HSD17B4: variants seen among roughly 807,000 people sequenced by gnomAD.
HSD17B4 encodes hydroxysteroid 17-beta dehydrogenase 4, also known as peroxisomal multifunctional enzyme type 2.
Under a neutral mutation model 101.0 loss-of-function variants are expected in HSD17B4, and 70 were observed. The observed-to-expected ratio is 0.69, with a 90% CI of 0.57 to 0.85. The LOEUF is 0.85. Ranked by LOEUF, HSD17B4 falls within the 40% of genes least tolerant of loss-of-function variation. HSD17B4 has a pLI of 0.00. For synonymous variants in HSD17B4, 347 were observed against 297.1 expected (o/e 1.17, Z -1.73); for missense variants, 984 against 892.4 (o/e 1.10, Z -1.31).
chr5:119,529,741 AT>A (rs1753894076), intron 20 of HSD17B4, among the ~76,000 whole-genome samples, 152 bp from the exon 21 acceptor site: 1 of 152,190 alleles, frequency 6.6e-6, no homozygotes, highest in Admixed American at 6.5e-5. Context: ...TCATCTTGAC[AT>A]TTACTTTAGC....
chr5:119,456,835 C>CAGGA (rs1429121546), intron 2 of HSD17B4: 1 of 175,600 alleles, frequency 5.7e-6, no homozygotes, highest in Non-Finnish European at 1.2e-5. Context: ...TTTTTTGAGA[C>CAGGA]AGGAGGTTTG....
intron 1 of HSD17B4, among the ~76,000 whole-genome samples, chr5:119,454,693 C>T (rs1040839726): frequency 1.2e-4 from 18 of 152,134 alleles, no homozygotes; most frequent in Non-Finnish European, 2.1e-4. Flanking sequence ...ATGATCTTGG[C>T]TGACTGCAAC....
At chr5:119,478,743 T>A in intron 7 of HSD17B4, 91 bp from the exon 8 acceptor site, 1 of 1,001,874 alleles carries the variant, frequency 1.0e-6, no homozygotes, top group Non-Finnish European at 1.6e-6. Context: ...TAGTTGCTTT[T>A]GATAGGTGCA....
intron 2 of HSD17B4, among the ~76,000 whole-genome samples, chr5:119,470,587 A>G (rs1236143940): frequency 6.6e-6 from 1 of 152,218 alleles, no homozygotes; most frequent in African/African-American, 2.4e-5. Context: ...TTTGCCCACA[A>G]TGGGAAGTCC....
intron 2 of HSD17B4, among the ~76,000 whole-genome samples, chr5:119,459,843 A>G (rs1464567482): frequency 6.6e-6 from 1 of 151,392 alleles, no homozygotes. Flanking sequence ...AGCCCTCACA[A>G]TTCAATCACT....
intron 11 of HSD17B4, among the ~76,000 whole-genome samples, chr5:119,495,549 T>C (rs1183028862): frequency 6.6e-6 from 1 of 152,208 alleles, no homozygotes; most frequent in African/African-American, 2.4e-5. Flanking sequence ...CTAAATAGTC[T>C]TCCCTCTAGA....
At chr5:119,480,680 C>T (rs564425860) in intron 8 of HSD17B4, among the ~76,000 whole-genome samples, 12 of 152,036 alleles carry the variant, frequency 7.9e-5, no homozygotes, top group Non-Finnish European at 1.6e-4. Context: ...TGAGATCAAC[C>T]GGTCTGACCA....
chr5:119,536,704 T>C (rs1754572844), intron 23 of HSD17B4, among the ~76,000 whole-genome samples, 154 bp downstream of exon 23: 1 of 152,110 alleles, frequency 6.6e-6, no homozygotes, highest in African/African-American at 2.4e-5. Flanking sequence ...GGTTGACAGG[T>C]CATATATTTC....
chr5:119,465,508 CGAG>C (rs1436289381), intron 2 of HSD17B4, among the ~76,000 whole-genome samples: 2 of 152,152 alleles, frequency 1.3e-5, no homozygotes, highest in African/African-American at 2.4e-5. Context: ...GAGGGCCTTA[CGAG>C]GAGTAGATGC....
At position 119,505,791 on chromosome 5, in the gene HSD17B4, T is replaced by A. The variant is rs146097589; in HGVS notation, c.1262-1027T>A. Among the ~76,000 whole-genome samples the A allele has an allele frequency of 3.7e-3, 562 of 152,134 alleles. 4 individuals carry two copies. The highest frequency in any genetic ancestry group is 0.013 in the African/African-American group (531 of 41,510). ...GTAGGAGTTGCAGTATTGTGTTGAATAGGAGTAGAAATTTAAGAAAGAATG... is the reference window on the plus strand; with the variant it reads ...GTAGGAGTTGCAGTATTGTGTTGAAAAGGAGTAGAAATTTAAGAAAGAATG... On this transcript the variant is annotated intron_variant, in intron 14 of 23. Transcript: ENST00000510025.
chr5:119,492,071 G>A (rs1447879583), intron 9 of HSD17B4, 29 bp from the exon 10 acceptor site: 1 of 1,574,904 alleles, frequency 6.3e-7, no homozygotes, highest in South Asian at 1.1e-5. Context: ...ACATTAGATG[G>A]TATAATGTTT....
chr5:119,535,749 TTTCTC>T (rs1466809417), intron 22 of HSD17B4: 1 of 151,090 alleles, frequency 6.6e-6, no homozygotes, highest in Non-Finnish European at 1.5e-5. Flanking sequence ...TCCTAAGTAT[TTTCTC>T]TTCAAGGAAG....
chr5:119,471,636 CT>C, intron 2 of HSD17B4: 1 of 1,328,380 alleles, frequency 7.5e-7, no homozygotes, highest in South Asian at 1.7e-5. Flanking sequence ...ATTGTTACAG[CT>C]TTCAAAATCT....
chr5:119,530,053 T>C (rs1753929688), intron 21 of HSD17B4, 73 bp downstream of exon 21: 2 of 850,372 alleles, frequency 2.4e-6, no homozygotes, highest in Admixed American at 3.4e-5. Flanking sequence ...TTAAGAGTGG[T>C]TAGGCTACGT....
At position 119,525,602 on chromosome 5, in the gene HSD17B4, G is replaced by C; in HGVS notation, c.1574-315G>C. On this transcript the variant is annotated intron_variant, in intron 18 of 23. Transcript: ENST00000510025. ...AGCAAGGAACTGAAAGGTTAGGGAA[G>C]GATCATGTACCTGTGTGGATGTTGA... is the stretch of plus-strand genomic sequence containing the variant. 5.8e-6 allele frequency: 3 copies of C among 515,692 alleles called. No homozygotes were observed. The South Asian group carries it at 6.4e-5, about 11-fold the overall frequency. The allele number at this position is 515,692 out of a possible 1,614,324, so 31.9% of individuals were successfully genotyped here. A position where few individuals can be genotyped will look rare whatever the true frequency, so the allele number is the denominator to read the frequency against.
intron 2 of HSD17B4, chr5:119,472,436 ATT>A (rs564187025): frequency 2.7e-5 from 4 of 146,872 alleles, no homozygotes; most frequent in Non-Finnish European, 3.0e-5. Flanking sequence ...CATAATTGAA[ATT>A]TTTTTTTTTT....
intron 20 of HSD17B4, among the ~76,000 whole-genome samples, chr5:119,529,363 A>C (rs1259332269): frequency 6.6e-6 from 1 of 152,192 alleles, no homozygotes; most frequent in Non-Finnish European, 1.5e-5. Flanking sequence ...CTCTTGAAAT[A>C]AGACCTGGAA....
chr5:119,521,698 C>G (rs979625836), intron 17 of HSD17B4, among the ~76,000 whole-genome samples: 1 of 151,474 alleles, frequency 6.6e-6, no homozygotes, highest in Non-Finnish European at 1.5e-5. Context: ...TTGATTTTTT[C>G]TTTCCATTTC....
At chr5:119,510,407 T>C (rs1432471210) in intron 16 of HSD17B4, among the ~76,000 whole-genome samples, 4 of 152,248 alleles carry the variant, frequency 2.6e-5, no homozygotes, top group African/African-American at 9.6e-5. Flanking sequence ...CCTAAAAATA[T>C]TTAATTTGGA....
Sources: gnomAD v4.1 joint callset for allele counts (sites outside exome capture counted in the v4.1 genomes callset) on GRCh38, gnomAD v4.1.1 for gene constraint, MANE v1.5 for transcripts, NCBI Gene and HGNC (gene_info 2026-07-23, HGNC 2026-07-21) for gene names.